Variants in FRMD4A observed in about 807,000 individuals in gnomAD.
FRMD4A encodes FERM domain-containing protein 4A.
A neutral mutation model predicts 129.1 loss-of-function variants in FRMD4A; 29 were observed. The ratio of observed to expected loss-of-function variants is 0.22; its 90% CI spans 0.17 to 0.31. The LOEUF is 0.31. Among genes scored for constraint, FRMD4A ranks in the 10% least tolerant of loss-of-function variants. The pLI, the probability that FRMD4A is intolerant of heterozygous loss-of-function variation, is 1.00. For missense variants in FRMD4A, 1,272 were observed against 1,375.8 expected (o/e 0.92, Z 1.19); for synonymous variants, 634 against 571.6 (o/e 1.11, Z -1.56).
intron 2 of FRMD4A, among the ~76,000 whole-genome samples, chr10:14,060,541 G>A (rs1450544231): frequency 6.6e-6 from 1 of 152,130 alleles, no homozygotes; most frequent in East Asian, 1.9e-4. Context: ...TCAGTAGAAG[G>A]CATTTTCATG....
chr10:13,998,195 T>C (rs538352691), intron 2 of FRMD4A, among the ~76,000 whole-genome samples: 22 of 152,296 alleles, frequency 1.4e-4, no homozygotes, highest in African/African-American at 5.3e-4. Context: ...TATAGTCCTC[T>C]AGCTTTAAAT....
chr10:13,943,021 T>C (rs1159989033), intron 2 of FRMD4A, among the ~76,000 whole-genome samples: 1 of 152,202 alleles, frequency 6.6e-6, no homozygotes, highest in East Asian at 1.9e-4. Context: ...TCATGAAATA[T>C]CTGATCATAG....
chr10:14,161,689 G>A (rs1382545045), intron 2 of FRMD4A, among the ~76,000 whole-genome samples: 1 of 152,160 alleles, frequency 6.6e-6, no homozygotes, highest in Non-Finnish European at 1.5e-5. Flanking sequence ...GACATGAGGA[G>A]AGGTTGGTTA....
At chr10:14,209,029 C>T (rs1842863660) in intron 2 of FRMD4A, among the ~76,000 whole-genome samples, 1 of 152,078 alleles carries the variant, frequency 6.6e-6, no homozygotes, top group East Asian at 1.9e-4. Flanking sequence ...ACCTTCCCAC[C>T]ATCTGTGAAT....
At chr10:14,018,289 T>C (rs1393088450) in intron 2 of FRMD4A, among the ~76,000 whole-genome samples, 1 of 127,144 alleles carries the variant, frequency 7.9e-6, no homozygotes, top group Non-Finnish European at 1.7e-5. Context: ...CTACTAAAAA[T>C]ACAAAAAAAA....
chr10:14,140,384 G>A (rs537278511), intron 2 of FRMD4A, among the ~76,000 whole-genome samples: 1 of 152,276 alleles, frequency 6.6e-6, no homozygotes, highest in South Asian at 2.1e-4. Context: ...TTTAAACAAG[G>A]ATTTCAGTAC....
chr10:14,210,689 T>C (rs575216181), intron 2 of FRMD4A, among the ~76,000 whole-genome samples: 2 of 152,274 alleles, frequency 1.3e-5, no homozygotes, highest in Non-Finnish European at 1.5e-5. Context: ...CTGTATCATG[T>C]GGGCCTTGAC....
chr10:13,820,248 CA>C, intron 3 of FRMD4A, among the ~76,000 whole-genome samples: 1 of 152,200 alleles, frequency 6.6e-6, no homozygotes, highest in East Asian at 1.9e-4. Context: ...GAAACTCATA[CA>C]CCCTCAGATG....
At chr10:13,901,199 C>T (rs1184460774) in intron 2 of FRMD4A, among the ~76,000 whole-genome samples, 1 of 152,168 alleles carries the variant, frequency 6.6e-6, no homozygotes, top group Non-Finnish European at 1.5e-5. Context: ...CAGGCATGGT[C>T]GAGTATTAGG....
chr10:13,678,992 C>G (rs2084242739), intron 15 of FRMD4A, among the ~76,000 whole-genome samples: 1 of 152,092 alleles, frequency 6.6e-6, no homozygotes, highest in Admixed American at 6.6e-5. Flanking sequence ...CTATAGGACA[C>G]TCGAACACAT....
At chr10:13,873,204 A>T (rs2094456744) in intron 2 of FRMD4A, among the ~76,000 whole-genome samples, 1 of 151,886 alleles carries the variant, frequency 6.6e-6, no homozygotes, top group African/African-American at 2.4e-5. Flanking sequence ...ATAAAAAAAT[A>T]AAAGAATAGT....
intron 2 of FRMD4A, among the ~76,000 whole-genome samples, chr10:14,260,491 A>G (rs375502765): frequency 4.6e-4 from 70 of 152,356 alleles, no homozygotes; most frequent in African/African-American, 1.6e-3. Flanking sequence ...AATCAAAGGC[A>G]TATAAGTCAT....
intron 15 of FRMD4A, among the ~76,000 whole-genome samples, chr10:13,690,719 A>C (rs759682134): frequency 1.3e-5 from 2 of 152,184 alleles, no homozygotes; most frequent in Non-Finnish European, 2.9e-5. Context: ...TGAAGCTGAC[A>C]ATGGGAGCCG....
In FRMD4A at chr10:13,694,058, C is replaced by T; in HGVS notation, c.976-19G>A. On this transcript the variant is annotated intron_variant, in intron 14 of 24. Coordinates refer to ENST00000357447, the MANE Select transcript of FRMD4A (RefSeq NM_018027.5). ...TTTTGGACTGGAATGGAAAGGGAAG[C>T]AGGTCAAAGAAGTGACGCTCACCTT... The T allele has an allele frequency of 6.7e-7, 1 of 1,502,846 alleles. No homozygotes were observed. The highest frequency in any genetic ancestry group is 8.9e-7 in the Non-Finnish European group (1 of 1,127,826). The allele number at this position is 1,502,846 out of a possible 1,614,324, so 93.1% of individuals were successfully genotyped here.
intron 2 of FRMD4A, among the ~76,000 whole-genome samples, chr10:13,862,100 C>T (rs1195648762): frequency 6.6e-6 from 1 of 152,008 alleles, no homozygotes; most frequent in African/African-American, 2.4e-5. Flanking sequence ...TAAATTCTTT[C>T]AAAAGTTTAA....
At chr10:14,312,600 G>A (rs1846589089) in intron 2 of FRMD4A, among the ~76,000 whole-genome samples, 1 of 152,164 alleles carries the variant, frequency 6.6e-6, no homozygotes, top group Non-Finnish European at 1.5e-5. Flanking sequence ...TAGCCTAAAT[G>A]TCTATCAATG....
In FRMD4A at chr10:14,175,368, C is replaced by G. The variant is rs898042355; in HGVS notation, c.45+154690G>C. ...TCCAGATGGAATCACAGGCTGGTCC[C>G]AGGCCCCTGCCTCTTCCTTCATTGA... On this transcript the variant is annotated intron_variant, in intron 2 of 24. Transcript: ENST00000357447. Among the ~76,000 whole-genome samples the G allele has an allele frequency of 5.0e-4, 76 of 152,148 alleles. 4 individuals are homozygous for G. The highest frequency in any genetic ancestry group is 1.5e-5 in the Non-Finnish European group (1 of 68,044).
chr10:13,935,922 C>T (rs780720166), intron 2 of FRMD4A, among the ~76,000 whole-genome samples: 18 of 152,190 alleles, frequency 1.2e-4, no homozygotes, highest in Non-Finnish European at 1.9e-4. Context: ...CATCAGGTTG[C>T]CCTGACCAGG....
At chr10:13,862,700 T>C (rs2094310742) in intron 2 of FRMD4A, among the ~76,000 whole-genome samples, 2 of 152,226 alleles carry the variant, frequency 1.3e-5, no homozygotes, top group Admixed American at 1.3e-4. Context: ...CAGCTTTCTT[T>C]TGACAGCACT....
Sources: allele counts gnomAD v4.1 joint callset (sites outside exome capture counted in the v4.1 genomes callset), GRCh38; gene constraint gnomAD v4.1.1; transcripts MANE v1.5; gene names NCBI Gene and HGNC (gene_info 2026-07-23, HGNC 2026-07-21).